Variants in GPHN observed in about 807,000 individuals in gnomAD.
GPHN encodes the protein gephyrin.
GPHN carries 17 observed loss-of-function variants against 95.5 expected under a neutral mutation model. The ratio of observed to expected loss-of-function variants is 0.18; its 90% confidence interval spans 0.12 to 0.27. The LOEUF is 0.27. GPHN is among the 10% of genes least tolerant of loss of function. The pLI is 1.00. For synonymous variants in GPHN, 320 were observed against 322.5 expected, an observed-to-expected ratio of 0.99 and a Z score of 0.08; for missense variants, 660 against 978.1, an observed-to-expected ratio of 0.67 and a Z score of 4.34.
intron 11 of GPHN, among the ~76,000 whole-genome samples, chr14:67,064,901 T>A (rs1339958458): frequency 2.6e-5 from 4 of 152,182 alleles, no homozygotes; most frequent in Non-Finnish European, 5.9e-5. Flanking sequence ...ATTCATTGAT[T>A]TTTTGAAGGG....
At chr14:67,316,834 A>G in the GPHN span, 5 of 1,608,860 alleles carry the variant, frequency 3.1e-6, no homozygotes, top group Non-Finnish European at 3.4e-6. Flanking sequence ...CTATTAAGGG[A>G]AAAGCTTTCA....
the GPHN span, among the ~76,000 whole-genome samples, chr14:67,215,251 A>G: frequency 6.6e-6 from 1 of 152,322 alleles, no homozygotes; most frequent in East Asian, 1.9e-4. Context: ...CTCACCAGGA[A>G]TCTTCTAGGG....
rs768887177 is a variant in GPHN, at chr14:66,709,032, A to C, written c.143+27847A>C. Among the ~76,000 whole-genome samples the C allele has an allele frequency of 8.5e-5, 13 of 152,254 alleles. No homozygotes were observed. The Middle Eastern group carries it at 0.014, about 159-fold the overall frequency. On this transcript the variant is annotated intron_variant, in intron 2 of 22. Coordinates refer to ENST00000478722, the MANE Select transcript of GPHN (RefSeq NM_020806.5). ...TGAGTAATTTAAAAAATGGATCCAA[A>C]GATATTAAAAAGAAGATAATACAGT...
intron 1 of GPHN, among the ~76,000 whole-genome samples, chr14:66,546,128 C>A (rs1347500769): frequency 6.8e-6 from 1 of 147,702 alleles, no homozygotes; most frequent in Non-Finnish European, 1.5e-5. Context: ...ACATCTCAGA[C>A]GATGGGCGGC....
At chr14:66,995,880 T>C (rs921233487) in intron 9 of GPHN, among the ~76,000 whole-genome samples, 19 of 152,222 alleles carry the variant, frequency 1.2e-4, no homozygotes, top group African/African-American at 3.9e-4. Flanking sequence ...AGAAAAATTG[T>C]CCAGCGTTCT....
At chr14:66,685,878 A>G (rs1185681833) in intron 2 of GPHN, among the ~76,000 whole-genome samples, 4 of 152,166 alleles carry the variant, frequency 2.6e-5, no homozygotes, top group Non-Finnish European at 5.9e-5. Flanking sequence ...TTATGGTTTT[A>G]GGTCTAACAT....
the GPHN span, among the ~76,000 whole-genome samples, chr14:67,327,101 G>A: frequency 1.3e-5 from 2 of 152,270 alleles, no homozygotes; most frequent in Admixed American, 1.3e-4. Flanking sequence ...CTTGAACCCG[G>A]GAGGTGGAGG....
At chr14:66,676,396 A>C (rs1464858118) in intron 1 of GPHN, among the ~76,000 whole-genome samples, 6 of 152,014 alleles carry the variant, frequency 3.9e-5, no homozygotes, top group Non-Finnish European at 7.4e-5. Flanking sequence ...CTAGTTCTTA[A>C]AGGCTTTTAG....
At chr14:66,539,716 C>T (rs1384659746) in intron 1 of GPHN, among the ~76,000 whole-genome samples, 1 of 152,270 alleles carries the variant, frequency 6.6e-6, no homozygotes, top group East Asian at 1.9e-4. Flanking sequence ...CCACCACGCC[C>T]AGCCTGCTTT....
At chr14:67,240,915 A>G in the GPHN span, among the ~76,000 whole-genome samples, 1 of 152,244 alleles carries the variant, frequency 6.6e-6, no homozygotes, top group Admixed American at 6.5e-5. Flanking sequence ...AAAAAAAACA[A>G]ATGTTAGATT....
At chr14:67,087,074 T>G (rs1480157661) in intron 11 of GPHN, among the ~76,000 whole-genome samples, 1 of 151,334 alleles carries the variant, frequency 6.6e-6, no homozygotes, top group Non-Finnish European at 1.5e-5. Context: ...CCTTCACCTG[T>G]AAAATGAACA....
chr14:66,891,716 T>C lies in GPHN; in HGVS notation c.389+11683T>C, dbSNP rs144651657. On this transcript the variant is annotated intron_variant, in intron 5 of 22. Transcript: ENST00000478722. ...GGCAACCCATGGAATCAAGAAAATATTCACAATCACATATCTGGCAAGGTA... is the reference window on the plus strand; with the variant it reads ...GGCAACCCATGGAATCAAGAAAATACTCACAATCACATATCTGGCAAGGTA... Among the ~76,000 whole-genome samples, 685 of 152,122 alleles carry C rather than the reference T, an allele frequency of 4.5e-3. 2 individuals are homozygous for C. The highest frequency in any genetic ancestry group is 6.8e-3 in the Non-Finnish European group (462 of 67,980).
At chr14:67,574,135 A>G in the GPHN span, 1 of 989,146 alleles carries the variant, frequency 1.0e-6, no homozygotes, top group Non-Finnish European at 1.5e-6. The surrounding 1 kb of genome is among the most constrained non-coding windows in gnomAD (Gnocchi z 4.2). Context: ...TAGGGCAGGC[A>G]GAAGGCCAGC....
chr14:67,545,681 A>G, the GPHN span, among the ~76,000 whole-genome samples: 1 of 152,238 alleles, frequency 6.6e-6, no homozygotes, highest in Non-Finnish European at 1.5e-5. Context: ...ATGGATAAAC[A>G]TATTCAGTGT....
chr14:67,534,438 T>A, the GPHN span, among the ~76,000 whole-genome samples: 1 of 152,006 alleles, frequency 6.6e-6, no homozygotes, highest in African/African-American at 2.4e-5. Context: ...ATTTAAAAAT[T>A]AGCTGGGTGT....
At position 66,508,279 on chromosome 14, in the gene GPHN, CCTT is replaced by C. The variant is rs1384814904; in HGVS notation, c.-245_-243del. 1.7e-6 allele frequency: 1 copy of C among 581,096 alleles called. No homozygotes were observed. Among genetic ancestry groups the C allele is most frequent in the Non-Finnish European group, 3.1e-6 (1 of 325,830 alleles). 36.0% of individuals were successfully genotyped at this position (581,096 alleles called of 1,614,324 possible). A position where few individuals can be genotyped will look rare whatever the true frequency, so the allele number is the denominator to read the frequency against. On this transcript the variant is annotated 5_prime_UTR_variant, in exon 1 of 23. Coordinates refer to ENST00000478722, the MANE Select transcript of GPHN (RefSeq NM_020806.5). ...GCCACCGCGCCCCCCAAGCTTGCCT[CCTT>C]CTTGCCGGACTTGGGGCCGCGCGCC... is the stretch of plus-strand genomic sequence containing the variant.
chr14:66,771,411 A>G (rs1198365834), intron 2 of GPHN, among the ~76,000 whole-genome samples: 1 of 152,198 alleles, frequency 6.6e-6, no homozygotes, highest in African/African-American at 2.4e-5. Context: ...ATAACCCTGA[A>G]TTAACAAGAC....
intron 5 of GPHN, among the ~76,000 whole-genome samples, chr14:66,883,859 C>T (rs888823497): frequency 5.3e-5 from 8 of 152,008 alleles, no homozygotes; most frequent in South Asian, 2.1e-4. Flanking sequence ...TACTGTCCCA[C>T]GTATTCACAG....
At chr14:66,932,464 T>TTTTTG (rs1567118605) in intron 8 of GPHN, among the ~76,000 whole-genome samples, 3 of 123,622 alleles carry the variant, frequency 2.4e-5, no homozygotes, top group Non-Finnish European at 5.4e-5. Context: ...TTTTTTTTTT[T>TTTTTG]TTTTTTTTTT....
Sources: gnomAD v4.1 joint callset for allele counts (sites outside exome capture counted in the v4.1 genomes callset) on GRCh38, gnomAD v4.1.1 for gene constraint, Gnocchi (gnomAD v3.1) non-coding constraint, MANE v1.5 for transcripts, NCBI Gene and HGNC (gene_info 2026-07-23, HGNC 2026-07-21) for gene names.